Variants in ATG5 observed in about 807,000 individuals in gnomAD.
ATG5 encodes the protein autophagy protein 5.
Under a neutral mutation model 36.5 loss-of-function variants are expected in ATG5, and 14 were observed. The observed-to-expected ratio is 0.38, with a 90% CI of 0.25 to 0.60. The LOEUF (loss-of-function observed/expected upper bound fraction) is 0.60, where lower values mean the gene tolerates loss of function less well. Among genes scored for constraint, ATG5 ranks in the 20% least tolerant of loss-of-function variants. ATG5 has a pLI of 0.60. For synonymous variants in ATG5, 95 were observed against 101.5 expected (o/e 0.94, Z 0.38); for missense variants, 195 against 326.7 (o/e 0.60, Z 3.11).
At chr6:106,246,345 A>G (rs1204484816) in intron 6 of ATG5, among the ~76,000 whole-genome samples, 1 of 151,166 alleles carries the variant, frequency 6.6e-6, no homozygotes, top group Non-Finnish European at 1.5e-5. Context: ...ATAGCACTTT[A>G]TAAAAACCAT....
chr6:106,234,313 C>T (rs1466452974), intron 6 of ATG5, among the ~76,000 whole-genome samples: 1 of 152,144 alleles, frequency 6.6e-6, no homozygotes, highest in Non-Finnish European at 1.5e-5. Flanking sequence ...CGGCCCAAAA[C>T]CCTACTAACT....
chr6:106,261,506 A>G (rs1779015695), intron 5 of ATG5, among the ~76,000 whole-genome samples: 1 of 152,258 alleles, frequency 6.6e-6, no homozygotes, highest in Admixed American at 6.5e-5. Context: ...GGGTTAGCCC[A>G]CACTGTGAAC....
At chr6:106,317,784 C>T (rs190398620) in intron 1 of ATG5, among the ~76,000 whole-genome samples, 1 of 152,286 alleles carries the variant, frequency 6.6e-6, no homozygotes, top group Admixed American at 6.5e-5. Flanking sequence ...AATTAACTCA[C>T]TGAAAATAGG....
Position 106,230,771 on chromosome 6 carries a change from G to A in ATG5, c.573+17379C>T, listed in dbSNP as rs896788400. Among the ~76,000 whole-genome samples, 8 of 151,982 alleles carry A rather than the reference G, an allele frequency of 5.3e-5. No individual in the cohort carries two copies. In the South Asian group the frequency reaches 6.2e-4, roughly 12 times the overall value. Reference sequence around the variant, plus strand: ...AAAAGACATATTCTTCTGCAGTACCGCCTGGCAACGATATACTCTTTAAGG... The same window carrying A: ...AAAAGACATATTCTTCTGCAGTACCACCTGGCAACGATATACTCTTTAAGG... On this transcript the variant is annotated intron_variant, in intron 6 of 7. Transcript: ENST00000369076.
chr6:106,192,584 TTTAA>T (rs779288978), intron 7 of ATG5, among the ~76,000 whole-genome samples: 125 of 152,260 alleles, frequency 8.2e-4, no homozygotes, highest in Admixed American at 1.5e-3. Context: ...AAAATTTCAG[TTTAA>T]TTAATTTTTT....
intron 1 of ATG5, among the ~76,000 whole-genome samples, chr6:106,321,120 C>G (rs1397113930): frequency 1.3e-5 from 2 of 152,144 alleles, no homozygotes. Context: ...GGTTTAAACC[C>G]TGATTTCCAC....
At chr6:106,227,510 C>A (rs1416601289) in intron 6 of ATG5, among the ~76,000 whole-genome samples, 3 of 152,150 alleles carry the variant, frequency 2.0e-5, no homozygotes, top group African/African-American at 4.8e-5. Flanking sequence ...GTGGAAAGAT[C>A]GCTTGAGCCC....
intron 5 of ATG5, among the ~76,000 whole-genome samples, chr6:106,264,109 G>A (rs527832457): frequency 1.3e-5 from 2 of 152,218 alleles, no homozygotes; most frequent in Admixed American, 1.3e-4. Flanking sequence ...AAAGGTTATA[G>A]GAAATGCTAA....
At chr6:106,297,079 T>C (rs1405098793) in intron 3 of ATG5, among the ~76,000 whole-genome samples, 2 of 152,234 alleles carry the variant, frequency 1.3e-5, no homozygotes, top group Non-Finnish European at 2.9e-5. Flanking sequence ...ATCTTAAATT[T>C]TCCATAGCTC....
intron 6 of ATG5, among the ~76,000 whole-genome samples, chr6:106,207,612 T>C (rs568165760): frequency 6.6e-6 from 1 of 151,988 alleles, no homozygotes; most frequent in African/African-American, 2.4e-5. Context: ...GTAGAGCCAA[T>C]AGGTTAACCA....
intron 6 of ATG5, among the ~76,000 whole-genome samples, chr6:106,245,098 C>T (rs1043008428): frequency 6.6e-6 from 1 of 152,144 alleles, no homozygotes; most frequent in South Asian, 2.1e-4. Context: ...GGAACACAAA[C>T]CTGAAACTAA....
intron 4 of ATG5, among the ~76,000 whole-genome samples, chr6:106,290,171 T>C (rs1266184083): frequency 6.6e-6 from 1 of 151,200 alleles, no homozygotes; most frequent in Non-Finnish European, 1.5e-5. Flanking sequence ...GGACTAGAGG[T>C]GCATGCCACC....
At chr6:106,247,710 T>C (rs676371) in intron 6 of ATG5, among the ~76,000 whole-genome samples, 150,332 of 152,344 alleles carry the variant, frequency 0.99, 74,175 homozygotes, top group East Asian at 1. Context: ...AAATCACTAA[T>C]AAAAAGCACA....
intron 1 of ATG5, among the ~76,000 whole-genome samples, chr6:106,317,695 T>A (rs1312857381): frequency 6.6e-6 from 1 of 152,174 alleles, no homozygotes; most frequent in Non-Finnish European, 1.5e-5. Context: ...TTCATATCAT[T>A]CCACACTGAT....
intron 6 of ATG5, among the ~76,000 whole-genome samples, chr6:106,203,362 TTG>T (rs1776510520): frequency 6.6e-6 from 1 of 152,222 alleles, no homozygotes; most frequent in African/African-American, 2.4e-5. Flanking sequence ...ATCTATGATC[TTG>T]TACCCAGTTT....
chr6:106,270,805 A>T (rs1779425277), intron 5 of ATG5, among the ~76,000 whole-genome samples: 1 of 152,144 alleles, frequency 6.6e-6, no homozygotes, highest in Non-Finnish European at 1.5e-5. Flanking sequence ...TCTCAGTATA[A>T]AGCACCACTC....
intron 2 of ATG5, among the ~76,000 whole-genome samples, chr6:106,309,852 T>G (rs1360547836): frequency 6.6e-6 from 1 of 152,174 alleles, no homozygotes; most frequent in Non-Finnish European, 1.5e-5. Context: ...CCTTGAACTT[T>G]AATTTAAAAA....
At chr6:106,241,090 T>C (rs71572295) in intron 6 of ATG5, among the ~76,000 whole-genome samples, 3,437 of 152,264 alleles carry the variant, frequency 0.023, 55 homozygotes, top group Middle Eastern at 0.068. Context: ...GAGACAGAGA[T>C]TGCAGTGAGC....
At chr6:106,209,042 C>G (rs1429065520) in intron 6 of ATG5, among the ~76,000 whole-genome samples, 1 of 152,132 alleles carries the variant, frequency 6.6e-6, no homozygotes, top group East Asian at 1.9e-4. Flanking sequence ...AATGCTGGTG[C>G]GCATGTGGAA....
Sources: allele counts gnomAD v4.1 joint callset (sites outside exome capture counted in the v4.1 genomes callset), GRCh38; gene constraint gnomAD v4.1.1; transcripts MANE v1.5; gene names NCBI Gene and HGNC (gene_info 2026-07-23, HGNC 2026-07-21).